The following CEP170 variants were observed in gnomAD, a reference collection of about 807,000 sequenced individuals.
CEP170 encodes the protein centrosomal protein 170, also known as centrosomal protein of 170 kDa.
In CEP170, 21 loss-of-function variants were observed where a neutral mutation model predicts 151.9. The ratio of observed to expected loss-of-function variants is 0.14; its 90% CI spans 0.10 to 0.20. The LOEUF (loss-of-function observed/expected upper bound fraction) is 0.20, where lower values mean the gene tolerates loss of function less well. CEP170 is among the 10% of genes least tolerant of loss of function. The pLI is 1.00. For missense variants in CEP170, 964 were observed against 1,892.9 expected (o/e 0.51, Z 9.11); for synonymous variants, 356 against 648.8 (o/e 0.55, Z 6.86).
intron 4 of CEP170, among the ~76,000 whole-genome samples, chr1:243,203,065 T>C (rs1343744238): frequency 1.3e-5 from 2 of 152,134 alleles, no homozygotes; most frequent in African/African-American, 4.8e-5. Context: ...GAAGAAGACC[T>C]CAAGAAGCCT....
intron 1 of CEP170, among the ~76,000 whole-genome samples, chr1:243,245,697 G>A (rs146809068): frequency 2.6e-5 from 4 of 151,724 alleles, no homozygotes; most frequent in East Asian, 1.9e-4. Flanking sequence ...CTGGGCGACA[G>A]AGCAAGACTC....
At chr1:243,126,974 CTTGTAAGTCTGGTA>C (rs2053771677) in intron 19 of CEP170, among the ~76,000 whole-genome samples, 1 of 152,106 alleles carries the variant, frequency 6.6e-6, no homozygotes, top group African/African-American at 2.4e-5. Context: ...ATTTCAGAGA[CTTGTAAGTCTGGTA>C]TTTGAAGATG....
chr1:243,127,338 GGGTCAGTTAAA>G (rs1402350777), intron 19 of CEP170, among the ~76,000 whole-genome samples: 1 of 152,178 alleles, frequency 6.6e-6, no homozygotes, highest in Non-Finnish European at 1.5e-5. Context: ...TATATGGAAG[GGGTCAGTTAAA>G]GGTCAGCTTT....
intron 4 of CEP170, among the ~76,000 whole-genome samples, chr1:243,202,566 T>C (rs965064243): frequency 6.6e-6 from 1 of 151,912 alleles, no homozygotes; most frequent in Non-Finnish European, 1.5e-5. Context: ...TATAAACACA[T>C]ATATATAATA....
chr1:243,134,556 G>GCCAAT (rs2054804221), intron 17 of CEP170, among the ~76,000 whole-genome samples: 1 of 152,054 alleles, frequency 6.6e-6, no homozygotes, highest in African/African-American at 2.4e-5. Flanking sequence ...GTGGTGCAGT[G>GCCAAT]CCATGATCAT....
At chr1:243,239,234 G>A (rs2064560091) in intron 1 of CEP170, among the ~76,000 whole-genome samples, 2 of 151,998 alleles carry the variant, frequency 1.3e-5, no homozygotes, top group African/African-American at 2.4e-5. Context: ...TGTTCTCCCC[G>A]TCTTAGCGAA....
At chr1:243,140,235 T>C in intron 15 of CEP170, 128 bp from the exon 16 acceptor site, 2 of 1,323,146 alleles carry the variant, frequency 1.5e-6, no homozygotes, top group Non-Finnish European at 2.0e-6. Context: ...CACAACATCT[T>C]CAATAAACCA....
At chr1:243,220,553 T>A (rs7513878) in intron 3 of CEP170, among the ~76,000 whole-genome samples, 145,254 of 152,186 alleles carry the variant, frequency 0.95, 69,702 homozygotes, top group East Asian at 1. Context: ...CAGAATTGGT[T>A]AAAAAAAATG....
chr1:243,144,690 C>T (rs1455325370), intron 14 of CEP170, among the ~76,000 whole-genome samples: 2 of 152,096 alleles, frequency 1.3e-5, no homozygotes, highest in African/African-American at 4.8e-5. Context: ...ACATGGACAA[C>T]AGCAATCTCC....
intron 4 of CEP170, among the ~76,000 whole-genome samples, chr1:243,208,604 T>C (rs2061571930): frequency 6.6e-6 from 1 of 151,510 alleles, no homozygotes; most frequent in Non-Finnish European, 1.5e-5. Context: ...TCTCCATATA[T>C]CCATATGGCT....
chr1:243,161,789 A>T (rs534265860), intron 13 of CEP170, among the ~76,000 whole-genome samples: 2 of 152,328 alleles, frequency 1.3e-5, no homozygotes, highest in South Asian at 4.1e-4. Context: ...ACTGATCGGC[A>T]TGATTTAACA....
chr1:243,254,877 G>A (rs1230747266), intron 1 of CEP170, among the ~76,000 whole-genome samples, 163 bp downstream of exon 1: 1 of 151,834 alleles, frequency 6.6e-6, no homozygotes, highest in East Asian at 1.9e-4. Flanking sequence ...GCCGCGCGGA[G>A]CACCCGGGAA....
intron 15 of CEP170, among the ~76,000 whole-genome samples, chr1:243,141,036 A>C (rs2055774758): frequency 6.6e-6 from 1 of 152,248 alleles, no homozygotes; most frequent in African/African-American, 2.4e-5. Context: ...AGTATCATTT[A>C]TTAAGTTAAA....
At chr1:243,146,876 CA>C (rs1423712794) in intron 14 of CEP170, among the ~76,000 whole-genome samples, 2 of 150,024 alleles carry the variant, frequency 1.3e-5, no homozygotes, top group East Asian at 3.9e-4. Flanking sequence ...TGTGCATGAG[CA>C]AAAAGTTCTA....
At chr1:243,221,287 G>C (rs1572426340) in intron 3 of CEP170, among the ~76,000 whole-genome samples, 1 of 152,142 alleles carries the variant, frequency 6.6e-6, no homozygotes. Context: ...CCTCCCAAAG[G>C]GCTGGGATGA....
Position 243,126,104 on chromosome 1 carries a change from C to T in CEP170, c.*345G>A, listed in dbSNP as rs529943881. On this transcript the variant is annotated 3_prime_UTR_variant, in exon 20 of 20. Transcript: ENST00000366542. Reference sequence around the variant, plus strand: ...AGACTTAGGGGTTCAGAAATGTTGGCTATTTAGTTTGCTTGTAGGTCACAG... The same window carrying T: ...AGACTTAGGGGTTCAGAAATGTTGGTTATTTAGTTTGCTTGTAGGTCACAG... The T allele has an allele frequency of 1.6e-4, 74 of 462,918 alleles. No individual in the cohort carries two copies. Among genetic ancestry groups the T allele is most frequent in the Admixed American group, 8.0e-4 (34 of 42,694 alleles). 28.7% of individuals were successfully genotyped at this position (462,918 alleles called of 1,614,324 possible).
intron 12 of CEP170, among the ~76,000 whole-genome samples, chr1:243,167,165 G>A (rs979970449): frequency 2.0e-5 from 3 of 151,978 alleles, no homozygotes; most frequent in Non-Finnish European, 4.4e-5. Flanking sequence ...ACATAGTAGA[G>A]AAGAACAACA....
At chr1:243,255,432 C>G (rs887941308), upstream of CEP170, 11 of 153,494 alleles carry the variant, frequency 7.2e-5, no homozygotes, top group African/African-American at 2.7e-4. Context: ...CCCGAAAGAC[C>G]AGCTTGAACA....
intron 1 of CEP170, among the ~76,000 whole-genome samples, chr1:243,230,646 TGAG>T (rs1558658583): frequency 1.3e-5 from 2 of 151,968 alleles, no homozygotes; most frequent in African/African-American, 4.8e-5. Flanking sequence ...AAAGCAGATA[TGAG>T]GAGGAGTTAG....
Sources: gnomAD v4.1 joint callset for allele counts (sites outside exome capture counted in the v4.1 genomes callset) on GRCh38, gnomAD v4.1.1 for gene constraint, MANE v1.5 for transcripts, NCBI Gene and HGNC (gene_info 2026-07-23, HGNC 2026-07-21) for gene names.